COL8A1: variants seen among roughly 807,000 people sequenced by gnomAD.
The protein encoded by COL8A1 is collagen alpha-1(VIII) chain.
In COL8A1, 21 loss-of-function variants were observed where a neutral mutation model predicts 42.7. That is an observed-to-expected ratio of 0.49 (90% CI 0.35 to 0.71). The LOEUF is 0.71. Among genes scored for constraint, COL8A1 ranks in the 30% least tolerant of loss-of-function variants. COL8A1 has a pLI of 0.01. For missense variants in COL8A1, 788 were observed against 962.4 expected (o/e 0.82, Z 2.40); for synonymous variants, 367 against 369.1 (o/e 0.99, Z 0.06).
At chr3:99,650,594 C>T (rs989808374) in intron 1 of COL8A1, among the ~76,000 whole-genome samples, 3 of 151,932 alleles carry the variant, frequency 2.0e-5, no homozygotes, top group Non-Finnish European at 4.4e-5. Context: ...GCCACCACAC[C>T]CAGCTAATTT....
intron 1 of COL8A1, among the ~76,000 whole-genome samples, chr3:99,700,266 G>A (rs761348297): frequency 4.6e-5 from 7 of 151,948 alleles, no homozygotes; most frequent in Non-Finnish European, 1.0e-4. Flanking sequence ...TGCACGTTCT[G>A]CACGTGTATC....
rs757041087 is a variant in COL8A1 at position 99,795,776 on chromosome 3, T to A, written c.1875T>A (p.Pro625=). The A allele has an allele frequency of 2.5e-6, 4 of 1,613,898 alleles. No individual in the cohort carries two copies. The highest frequency in any genetic ancestry group is 3.4e-6 in the Non-Finnish European group (4 of 1,179,986). The change falls in exon 4 of 4, where the codon CCT becomes CCA. Residue 625 remains proline (P), a synonymous_variant. Transcript: ENST00000652472. ...MPAFTAELTA[P]FPPVGAPVKF... ...CATTTACCGCCGAGCTAACCGCACC[T>A]TTCCCACCGGTGGGGGCCCCAGTGA... is the stretch of plus-strand genomic sequence containing the variant.
At chr3:99,712,107 G>C (rs1939853442) in intron 1 of COL8A1, among the ~76,000 whole-genome samples, 2 of 152,092 alleles carry the variant, frequency 1.3e-5, no homozygotes, top group South Asian at 2.1e-4. Flanking sequence ...AAATTGAAAG[G>C]TTTTAAAAGG....
At chr3:99,679,524 C>T (rs1938802448) in intron 1 of COL8A1, 1 of 152,274 alleles carries the variant, frequency 6.6e-6, no homozygotes, top group South Asian at 2.1e-4. Context: ...CAATAGTGGC[C>T]TATTGAAATC....
intron 1 of COL8A1, among the ~76,000 whole-genome samples, chr3:99,658,790 C>G (rs575010775): frequency 6.6e-6 from 1 of 152,168 alleles, no homozygotes. Flanking sequence ...CAGTGCAAGG[C>G]GGGAAGAACA....
chr3:99,740,082 C>T (rs778625649), intron 1 of COL8A1, among the ~76,000 whole-genome samples: 1 of 152,166 alleles, frequency 6.6e-6, no homozygotes, highest in East Asian at 1.9e-4. Flanking sequence ...CAAGAGTGAC[C>T]TTTATTCCAG....
At chr3:99,690,038 C>T (rs970691411) in intron 1 of COL8A1, among the ~76,000 whole-genome samples, 2 of 152,176 alleles carry the variant, frequency 1.3e-5, no homozygotes, top group Non-Finnish European at 2.9e-5. Context: ...TGTACTGACA[C>T]ATTCCACATA....
intron 1 of COL8A1, among the ~76,000 whole-genome samples, chr3:99,647,211 A>G (rs1937674788): frequency 6.6e-6 from 1 of 152,198 alleles, no homozygotes. Context: ...GCCTGAGCGC[A>G]TCTCCTGGGA....
intron 1 of COL8A1, among the ~76,000 whole-genome samples, chr3:99,686,367 A>G (rs1471754930): frequency 1.3e-5 from 2 of 152,328 alleles, no homozygotes; most frequent in East Asian, 3.9e-4. Flanking sequence ...CATTTATTAC[A>G]CTCCAAGTTG....
intron 1 of COL8A1, among the ~76,000 whole-genome samples, chr3:99,647,024 T>C (rs1937665985): frequency 6.6e-6 from 1 of 152,224 alleles, no homozygotes; most frequent in African/African-American, 2.4e-5. Context: ...TTCATCAGTG[T>C]TTATACAGAA....
At chr3:99,737,085 G>A (rs906594745) in intron 1 of COL8A1, among the ~76,000 whole-genome samples, 2 of 151,932 alleles carry the variant, frequency 1.3e-5, no homozygotes, top group African/African-American at 4.8e-5. Context: ...CATTTGCTTG[G>A]TAGATCTTCC....
intron 2 of COL8A1, among the ~76,000 whole-genome samples, chr3:99,761,609 T>C (rs1195229055): frequency 6.6e-6 from 1 of 152,186 alleles, no homozygotes; most frequent in African/African-American, 2.4e-5. Flanking sequence ...GTTGTGTGTA[T>C]GTCAGGAATG....
chr3:99,735,503 A>G (rs1940676281), intron 1 of COL8A1, among the ~76,000 whole-genome samples: 1 of 147,492 alleles, frequency 6.8e-6, no homozygotes, highest in African/African-American at 2.6e-5. Flanking sequence ...GATGAAGCCC[A>G]CTTGATCATG....
At chr3:99,727,730 C>T (rs1940377097) in intron 1 of COL8A1, among the ~76,000 whole-genome samples, 1 of 151,848 alleles carries the variant, frequency 6.6e-6, no homozygotes, top group Non-Finnish European at 1.5e-5. Flanking sequence ...AACATTGATG[C>T]AAAAATCCTC....
At chr3:99,664,375 C>A (rs1448233049) in intron 1 of COL8A1, among the ~76,000 whole-genome samples, 3 of 152,136 alleles carry the variant, frequency 2.0e-5, no homozygotes, top group African/African-American at 7.2e-5. Flanking sequence ...CTTTTGCTGT[C>A]CTTTAATGAC....
At chr3:99,780,161 A>G (rs1362684860) in intron 2 of COL8A1, among the ~76,000 whole-genome samples, 1 of 152,160 alleles carries the variant, frequency 6.6e-6, no homozygotes, top group Non-Finnish European at 1.5e-5. Flanking sequence ...ACACTGTTGT[A>G]AGCACTTTAT....
chr3:99,732,905 C>A (rs1307424471), intron 1 of COL8A1, among the ~76,000 whole-genome samples: 1 of 152,078 alleles, frequency 6.6e-6, no homozygotes, highest in African/African-American at 2.4e-5. Flanking sequence ...TACACCCTTT[C>A]CAAATGGCAG....
intron 2 of COL8A1, among the ~76,000 whole-genome samples, chr3:99,762,810 C>T (rs1315720299): frequency 3.9e-5 from 6 of 152,166 alleles, no homozygotes; most frequent in African/African-American, 1.4e-4. Flanking sequence ...GGAGTGTGGG[C>T]TCTGCATGGC....
At position 99,721,554 on chromosome 3, in the gene COL8A1, A is replaced by G. The variant is rs181448293; in HGVS notation, c.-128-23343A>G. 2.5e-3 allele frequency among the ~76,000 whole-genome samples: 375 copies of G among 152,108 alleles called. 9 individuals carry two copies. The highest frequency in any genetic ancestry group is 8.5e-4 in the Non-Finnish European group (58 of 67,968). On this transcript the variant is annotated intron_variant, in intron 1 of 3. Transcript: ENST00000652472. ...GGGGATGCCCACAGGAGGCCAAAGG[A>G]AACGGCTGGAAACCCGGACAGATTT...
Sources: gnomAD v4.1 joint callset for allele counts (sites outside exome capture counted in the v4.1 genomes callset) on GRCh38, gnomAD v4.1.1 for gene constraint, MANE v1.5 for transcripts, NCBI Gene and HGNC (gene_info 2026-07-23, HGNC 2026-07-21) for gene names.